Variants in ASTN1 observed in about 807,000 individuals in gnomAD.
ASTN1 encodes astrotactin 1.
In ASTN1, 41 loss-of-function variants were observed where a neutral mutation model predicts 140.7. The ratio of observed to expected loss-of-function variants is 0.29; its 90% confidence interval spans 0.23 to 0.38. The LOEUF (loss-of-function observed/expected upper bound fraction) is 0.38. ASTN1 is among the 10% of genes least tolerant of loss of function. The pLI is 1.00. For synonymous variants in ASTN1, 640 were observed against 652.2 expected, an observed-to-expected ratio of 0.98 and a Z score of 0.29; for missense variants, 1,479 against 1,678.8, an observed-to-expected ratio of 0.88 and a Z score of 2.08.
At chr1:177,009,841 TG>T (rs1675200678) in intron 8 of ASTN1, among the ~76,000 whole-genome samples, 1 of 152,232 alleles carries the variant, frequency 6.6e-6, no homozygotes, top group African/African-American at 2.4e-5. Flanking sequence ...ATGATCGCTC[TG>T]TCTCCATCCT....
intron 16 of ASTN1, among the ~76,000 whole-genome samples, chr1:176,923,329 A>T (rs1486786151): frequency 6.6e-6 from 1 of 152,206 alleles, no homozygotes; most frequent in African/African-American, 2.4e-5. Context: ...CAGATAAGAA[A>T]ATTATTTTGA....
At chr1:176,878,677 G>A (rs912889757) in intron 20 of ASTN1, among the ~76,000 whole-genome samples, 1 of 151,958 alleles carries the variant, frequency 6.6e-6, no homozygotes, top group African/African-American at 2.4e-5. Context: ...TCCCAGGTCA[G>A]CACCAACTCC....
intron 1 of ASTN1, among the ~76,000 whole-genome samples, chr1:177,160,763 A>C (rs1390817694): frequency 6.6e-6 from 1 of 152,198 alleles, no homozygotes; most frequent in African/African-American, 2.4e-5. Context: ...TCCTGAGAGG[A>C]TGCTAAGGCT....
intron 1 of ASTN1, among the ~76,000 whole-genome samples, chr1:177,108,497 AG>A (rs1165213089): frequency 5.9e-5 from 9 of 152,294 alleles, no homozygotes; most frequent in African/African-American, 2.2e-4. Context: ...CATGTCTTCA[AG>A]GTTTCTCCAT....
intron 1 of ASTN1, among the ~76,000 whole-genome samples, chr1:177,062,892 C>T (rs1399352299): frequency 6.6e-6 from 1 of 152,146 alleles, no homozygotes. Flanking sequence ...AAGCAACCCA[C>T]CATGAGTGAA....
chr1:177,103,499 C>T (rs1351147682), intron 1 of ASTN1, among the ~76,000 whole-genome samples: 3 of 152,106 alleles, frequency 2.0e-5, no homozygotes, highest in Non-Finnish European at 1.5e-5. Context: ...CATGGAGACT[C>T]TTTGACCTAA....
chr1:176,944,202 T>C (rs10913278), intron 13 of ASTN1, among the ~76,000 whole-genome samples, 184 bp from the exon 14 acceptor site: 27,743 of 151,982 alleles, frequency 0.18, 2,706 homozygotes, highest in African/African-American at 0.26. Flanking sequence ...CTCAGCCTCC[T>C]GAGTGCTGGG....
At chr1:177,137,677 T>G (rs1226594705) in intron 1 of ASTN1, among the ~76,000 whole-genome samples, 1 of 152,164 alleles carries the variant, frequency 6.6e-6, no homozygotes, top group Non-Finnish European at 1.5e-5. Flanking sequence ...TTAACTCTTT[T>G]TGGATGCCCA....
chr1:177,162,894 T>C (rs562698006), intron 1 of ASTN1, among the ~76,000 whole-genome samples: 1 of 152,348 alleles, frequency 6.6e-6, no homozygotes, highest in Non-Finnish European at 1.5e-5. Flanking sequence ...ATGTTATTGG[T>C]ATTTTTGAAA....
In ASTN1 at chr1:176,863,650, C is replaced by T. The variant is rs1446800565; in HGVS notation, c.*634G>A. ...CTTAAAATAAGGAAGGATCTCAAAA[C>T]CCAAGTGGCCCACTGGGGCCTATAA... On this transcript the variant is annotated 3_prime_UTR_variant, in exon 23 of 23. Coordinates refer to ENST00000361833, the MANE Select transcript of ASTN1 (RefSeq NM_004319.3). 12 of 985,400 alleles carry T rather than the reference C, an allele frequency of 1.2e-5. No homozygotes were observed. Among genetic ancestry groups the T allele is most frequent in the African/African-American group, 1.7e-5 (1 of 57,246 alleles). The allele number at this position is 985,400 out of a possible 1,614,324, so 61.0% of individuals were successfully genotyped here.
At chr1:176,921,837 G>A (rs1162126897) in intron 16 of ASTN1, among the ~76,000 whole-genome samples, 1 of 152,214 alleles carries the variant, frequency 6.6e-6, no homozygotes, top group East Asian at 1.9e-4. Flanking sequence ...ATGATAAAAG[G>A]GTGAGCTGGT....
At chr1:176,982,184 C>G (rs1673649306) in intron 8 of ASTN1, among the ~76,000 whole-genome samples, 1 of 152,150 alleles carries the variant, frequency 6.6e-6, no homozygotes, top group Non-Finnish European at 1.5e-5. Context: ...AAGAAAAGTC[C>G]TGTGAGTTAT....
intron 16 of ASTN1, among the ~76,000 whole-genome samples, chr1:176,922,568 A>AAAAAAAAAAAAAAAAAAAAAAAAG (rs1670780739): frequency 6.6e-6 from 1 of 151,532 alleles, no homozygotes; most frequent in Admixed American, 6.6e-5. Context: ...AAAAAAAAAA[A>AAAAAAAAAAAAAAAAAAAAAAAAG]AAAAAAAAAA....
intron 1 of ASTN1, among the ~76,000 whole-genome samples, chr1:177,073,961 TA>T (rs371398185): frequency 0.013 from 1,907 of 148,300 alleles, 19 homozygotes; most frequent in Middle Eastern, 0.042. Context: ...AATTCCTGGT[TA>T]AAAAAAAAAG....
At chr1:177,037,832 A>C (rs1676795735) in intron 2 of ASTN1, among the ~76,000 whole-genome samples, 1 of 152,212 alleles carries the variant, frequency 6.6e-6, no homozygotes, top group Non-Finnish European at 1.5e-5. Context: ...CTTGCAAAAA[A>C]ATGTGGCATT....
intron 21 of ASTN1, among the ~76,000 whole-genome samples, chr1:176,873,933 G>A (rs1429659987): frequency 6.6e-6 from 1 of 152,150 alleles, no homozygotes; most frequent in Admixed American, 6.5e-5. Flanking sequence ...TCTGCTCCCA[G>A]CAAACTTCCC....
At chr1:177,108,032 T>G (rs1680634109) in intron 1 of ASTN1, among the ~76,000 whole-genome samples, 1 of 152,056 alleles carries the variant, frequency 6.6e-6, no homozygotes, top group Non-Finnish European at 1.5e-5. Flanking sequence ...TATAAAAATA[T>G]GCTCACCCTT....
intron 1 of ASTN1, among the ~76,000 whole-genome samples, chr1:177,085,627 C>T (rs1266865385): frequency 6.6e-6 from 1 of 152,112 alleles, no homozygotes; most frequent in African/African-American, 2.4e-5. Flanking sequence ...TCTCACTTGG[C>T]AAAATGCAGC....
intron 1 of ASTN1, among the ~76,000 whole-genome samples, chr1:177,141,905 C>G (rs1277659998): frequency 6.6e-6 from 1 of 152,080 alleles, no homozygotes. Flanking sequence ...TGAAATAGCC[C>G]AACAGTTTTG....
Sources: gnomAD v4.1 joint callset for allele counts (sites outside exome capture counted in the v4.1 genomes callset) on GRCh38, gnomAD v4.1.1 for gene constraint, MANE v1.5 for transcripts, NCBI Gene and HGNC (gene_info 2026-07-23, HGNC 2026-07-21) for gene names.